The following SLC30A8 variants were observed in gnomAD, a reference collection of about 807,000 sequenced individuals.
The protein encoded by SLC30A8 is proton-coupled zinc antiporter SLC30A8.
SLC30A8 carries 27 observed loss-of-function variants against 36.9 expected under a neutral mutation model. The observed-to-expected ratio is 0.73, with a 90% CI of 0.54 to 1.01. The LOEUF (loss-of-function observed/expected upper bound fraction) is 1.01. Among genes scored for constraint, SLC30A8 ranks in the 50% least tolerant of loss-of-function variants. The pLI is 0.00. For missense variants in SLC30A8, 439 were observed against 452.0 expected (o/e 0.97, Z 0.26); for synonymous variants, 164 against 172.4 (o/e 0.95, Z 0.38).
At chr8:117,126,941 C>T (rs1184423036) in intron 2 of SLC30A8, among the ~76,000 whole-genome samples, 1 of 151,970 alleles carries the variant, frequency 6.6e-6, no homozygotes, top group Non-Finnish European at 1.5e-5. Context: ...ATGTTCCAGG[C>T]AAAGGCGACA....
At chr8:116,977,419 T>C (rs7006065) in intron 1 of SLC30A8, among the ~76,000 whole-genome samples, 141,784 of 150,900 alleles carry the variant, frequency 0.94, 67,016 homozygotes, top group Non-Finnish European at 1. Context: ...TCCCAAAGTA[T>C]TGGGATTACA....
chr8:117,171,248 G>T lies in SLC30A8; in HGVS notation c.964+80G>T, dbSNP rs950070572. 2.6e-5 allele frequency: 38 copies of T among 1,458,796 alleles called. No homozygotes were observed. In the South Asian group the frequency reaches 3.9e-4, roughly 15 times the overall value. The allele number at this position is 1,458,796 out of a possible 1,614,324, so 90.4% of individuals were successfully genotyped here. A position where few individuals can be genotyped will look rare whatever the true frequency, so the allele number is the denominator to read the frequency against. On this transcript the variant is annotated intron_variant, in intron 7 of 7. Transcript: ENST00000456015. ...CAGTAATTTCCCTTCTTTTTGTAGA[G>T]CTGCCCTTATTGTCTGTTGCTTGTC...
chr8:117,079,056 G>A (rs2130809032), intron 2 of SLC30A8, among the ~76,000 whole-genome samples: 1 of 151,978 alleles, frequency 6.6e-6, no homozygotes, highest in East Asian at 1.9e-4. Flanking sequence ...CTGTCGTCCA[G>A]GCTGGAGTGC....
chr8:117,032,380 C>A (rs1358429392), intron 1 of SLC30A8, among the ~76,000 whole-genome samples: 1 of 151,994 alleles, frequency 6.6e-6, no homozygotes, highest in Non-Finnish European at 1.5e-5. Context: ...AAGTTTTTGC[C>A]AAATGAATAA....
chr8:117,014,500 A>G (rs951589288), intron 1 of SLC30A8, among the ~76,000 whole-genome samples: 5 of 152,196 alleles, frequency 3.3e-5, no homozygotes, highest in Admixed American at 1.3e-4. Context: ...TAGTCATGCA[A>G]ATATGCTGAG....
chr8:117,159,462 C>A (rs1822667908), intron 4 of SLC30A8, among the ~76,000 whole-genome samples: 1 of 152,176 alleles, frequency 6.6e-6, no homozygotes, highest in African/African-American at 2.4e-5. Context: ...AGCCTTGCCC[C>A]TTGACATCTC....
intron 6 of SLC30A8, among the ~76,000 whole-genome samples, chr8:117,166,686 G>A (rs764564678): frequency 2.1e-4 from 32 of 151,986 alleles, no homozygotes; most frequent in Non-Finnish European, 3.5e-4. Flanking sequence ...CCTGGGAATG[G>A]CACCTGTAAA....
At chr8:117,054,559 C>CT (rs1817809304) in intron 2 of SLC30A8, among the ~76,000 whole-genome samples, 1 of 152,056 alleles carries the variant, frequency 6.6e-6, no homozygotes, top group Admixed American at 6.5e-5. Context: ...AAATCCCTGC[C>CT]TTTTTGCACT....
intron 2 of SLC30A8, among the ~76,000 whole-genome samples, chr8:117,120,297 C>A (rs76723706): frequency 0.033 from 5,084 of 151,840 alleles, 207 homozygotes; most frequent in African/African-American, 0.091. Flanking sequence ...GAATAGAGAT[C>A]CCAGAAATAA....
At chr8:117,054,181 C>T (rs1413059478) in intron 2 of SLC30A8, among the ~76,000 whole-genome samples, 1 of 150,606 alleles carries the variant, frequency 6.6e-6, no homozygotes, top group Non-Finnish European at 1.5e-5. Flanking sequence ...TCACTGCAGC[C>T]TGGATCTCCT....
At chr8:116,995,203 T>G (rs1037494809) in intron 1 of SLC30A8, among the ~76,000 whole-genome samples, 1 of 152,114 alleles carries the variant, frequency 6.6e-6, no homozygotes, top group Admixed American at 6.5e-5. Flanking sequence ...GCCATTTTCC[T>G]TGCTTTGAAG....
intron 1 of SLC30A8, among the ~76,000 whole-genome samples, chr8:117,034,462 A>G (rs1017900245): frequency 1.3e-5 from 2 of 152,230 alleles, no homozygotes; most frequent in South Asian, 4.1e-4. Flanking sequence ...GTTTCCAAAG[A>G]CAGTTAATTG....
At chr8:117,051,188 A>T (rs560608471) in intron 2 of SLC30A8, among the ~76,000 whole-genome samples, 1 of 152,216 alleles carries the variant, frequency 6.6e-6, no homozygotes, top group East Asian at 1.9e-4. Context: ...CTTGATTACT[A>T]TAGTTTTATT....
At chr8:116,966,154 G>A (rs1814594677) in intron 1 of SLC30A8, among the ~76,000 whole-genome samples, 1 of 152,138 alleles carries the variant, frequency 6.6e-6, no homozygotes, top group African/African-American at 2.4e-5. Context: ...AAAGTGCTGG[G>A]ATTACATTTA....
At chr8:117,057,168 G>A (rs1817896849) in intron 2 of SLC30A8, among the ~76,000 whole-genome samples, 1 of 152,048 alleles carries the variant, frequency 6.6e-6, no homozygotes, top group African/African-American at 2.4e-5. Context: ...TTCCGAGATG[G>A]CATCTTCTGT....
At chr8:116,979,553 G>A (rs1815185240) in intron 1 of SLC30A8, among the ~76,000 whole-genome samples, 1 of 152,070 alleles carries the variant, frequency 6.6e-6, no homozygotes, top group South Asian at 2.1e-4. Flanking sequence ...ATTTCTGAAC[G>A]GCATTTGTCC....
At chr8:117,051,291 G>T (rs1308003439) in intron 2 of SLC30A8, among the ~76,000 whole-genome samples, 1 of 152,176 alleles carries the variant, frequency 6.6e-6, no homozygotes, top group Non-Finnish European at 1.5e-5. Flanking sequence ...ACAATGATGA[G>T]GAAGCTCTTA....
chr8:117,171,160 T>C lies in SLC30A8; in HGVS notation c.956T>C (p.Val319Ala). The C allele has an allele frequency of 6.2e-7, 1 of 1,613,538 alleles. No homozygotes were observed. The highest frequency in any genetic ancestry group is 2.2e-5 in the East Asian group (1 of 44,862). The part of the protein sequence containing the change: ...TMNQVILSAH[V>A]ATAASRDSQV... ...AATCAAGTAATTCTCTCAGCTCATG[T>C]TGCTACAGGTCAGTGAGTTTTGTAA... Residue 319 changes from valine to alanine, a missense_variant, in exon 7 of 8, where the codon GTT (valine) becomes GCT (alanine). Transcript: ENST00000456015.
chr8:117,123,465 G>C (rs976815172), intron 2 of SLC30A8, among the ~76,000 whole-genome samples: 2 of 151,942 alleles, frequency 1.3e-5, no homozygotes, highest in Non-Finnish European at 2.9e-5. Context: ...TCATTATTAG[G>C]CATTGATACC....
Sources: allele counts gnomAD v4.1 joint callset (sites outside exome capture counted in the v4.1 genomes callset), GRCh38; gene constraint gnomAD v4.1.1; transcripts MANE v1.5; gene names NCBI Gene and HGNC (gene_info 2026-07-23, HGNC 2026-07-21).